The following F3 variants were observed in gnomAD, a reference collection of about 807,000 sequenced individuals.
F3 encodes coagulation factor III, tissue factor.
F3 carries 18 observed loss-of-function variants against 33.5 expected under a neutral mutation model. The ratio of observed to expected loss-of-function variants is 0.54; its 90% CI spans 0.37 to 0.80. The LOEUF is 0.80. Among genes scored for constraint, F3 ranks in the 30% least tolerant of loss-of-function variants. The pLI is 0.00. For synonymous variants in F3, 147 were observed against 140.7 expected (o/e 1.05, Z -0.32); for missense variants, 353 against 362.1 (o/e 0.97, Z 0.20).
intron 2 of F3, among the ~76,000 whole-genome samples, chr1:94,537,372 G>A (rs1243429042): frequency 6.6e-6 from 1 of 152,122 alleles, no homozygotes; most frequent in East Asian, 1.9e-4. Flanking sequence ...TCAAGGCCAG[G>A]TCCCAACTCC....
intron 2 of F3, among the ~76,000 whole-genome samples, chr1:94,536,796 T>C (rs1651622155): frequency 6.6e-6 from 1 of 152,146 alleles, no homozygotes; most frequent in African/African-American, 2.4e-5. Flanking sequence ...ATATAGTGAG[T>C]CTACATAATA....
chr1:94,536,322 T>A (rs1183900267), intron 2 of F3, among the ~76,000 whole-genome samples, 158 bp from the exon 3 acceptor site: 2 of 152,198 alleles, frequency 1.3e-5, no homozygotes, highest in East Asian at 3.8e-4. Context: ...TGCTTTTTTT[T>A]AAACATTGTT....
At position 94,540,314 on chromosome 1, in the gene F3, T is replaced by G. The variant is rs889609187; in HGVS notation, c.155A>C (p.Lys52Thr). 6.2e-7 allele frequency: 1 copy of G among 1,614,160 alleles called. No individual in the cohort carries two copies. Among genetic ancestry groups the G allele is most frequent in the Non-Finnish European group, 8.5e-7 (1 of 1,180,008 alleles). The change falls in exon 2 of 6, where the codon AAG becomes ACG. Residue 52 changes from lysine to threonine, a missense_variant. By Grantham distance (78) the Lys-to-Thr change is moderately conservative (BLOSUM62 -1). Transcript: ENST00000334047. Reference sequence around the variant, plus strand: ...TTTGGGTTCCCACTCCAAAATTGTCTTGAAATTAGTTGATTTCCAAGTTAA... The same window carrying G: ...TTTGGGTTCCCACTCCAAAATTGTCGTGAAATTAGTTGATTTCCAAGTTAA... ...YNLTWKSTNFKTILEWEPKPV... is the reference protein window; with the variant it reads ...YNLTWKSTNFTTILEWEPKPV...
chr1:94,541,601 G>C lies in F3; in HGVS notation c.36C>G (p.Pro12=), dbSNP rs778422501. ...GGAGCGTCCGAGCGACGGCGGTCTCGGGGCGCGGGACCCGGGGCCAGGCAG... is the reference window on the plus strand; with the variant it reads ...GGAGCGTCCGAGCGACGGCGGTCTCCGGGCGCGGGACCCGGGGCCAGGCAG... ...ETPAWPRVPR[P]ETAVARTLLL... The change falls in exon 1 of 6, where the codon CCC becomes CCG. Residue 12 remains proline, a synonymous_variant. Coordinates refer to ENST00000334047, the MANE Select transcript of F3 (RefSeq NM_001993.5). 1.2e-5 allele frequency: 17 copies of C among 1,464,354 alleles called. No individual in the cohort carries two copies. In the East Asian group the frequency reaches 3.9e-4, roughly 33 times the overall value. 90.7% of individuals were successfully genotyped at this position (1,464,354 alleles called of 1,614,324 possible). A position where few individuals can be genotyped will look rare whatever the true frequency, so the allele number is the denominator to read the frequency against.
chr1:94,534,437 A>T (rs1651533983), intron 3 of F3, among the ~76,000 whole-genome samples: 1 of 152,178 alleles, frequency 6.6e-6, no homozygotes, highest in Non-Finnish European at 1.5e-5. Context: ...CTGGAATATA[A>T]TCATTTTAAT....
In F3 at chr1:94,530,205, T is replaced by C. The variant is rs775195581; in HGVS notation, c.*255A>G. The C allele has an allele frequency of 3.2e-5, 12 of 369,972 alleles. No individual in the cohort carries two copies. Among genetic ancestry groups the C allele is most frequent in the African/African-American group, 1.8e-4 (9 of 49,058 alleles). The allele number at this position is 369,972 out of a possible 1,614,324, so 22.9% of individuals were successfully genotyped here. On this transcript the variant is annotated 3_prime_UTR_variant, in exon 6 of 6. Coordinates refer to ENST00000334047, the MANE Select transcript of F3 (RefSeq NM_001993.5). Reference sequence around the variant, plus strand: ...GGAATATATAATCTAAAGCATGTTATGTGCAAAAGGTGCCATGGTGTTAAA... The same window carrying C: ...GGAATATATAATCTAAAGCATGTTACGTGCAAAAGGTGCCATGGTGTTAAA...
chr1:94,541,308 CG>C (rs1557703655), intron 1 of F3, among the ~76,000 whole-genome samples: 1 of 152,214 alleles, frequency 6.6e-6, no homozygotes, highest in African/African-American at 2.4e-5. Flanking sequence ...AACTCTCCAG[CG>C]GAAGGGGCAG....
chr1:94,532,941 C>A (rs1157433607), intron 4 of F3, 149 bp downstream of exon 4: 4 of 750,232 alleles, frequency 5.3e-6, no homozygotes, highest in Non-Finnish European at 8.5e-6. Flanking sequence ...TGTTGTCCAC[C>A]CCTCCCCACA....
Position 94,530,381 on chromosome 1 carries a change from T to C in F3, c.*79A>G. Reference sequence around the variant, plus strand: ...TCATGCTCCGAAATACTCATTTGCGTTTCCATGTATTCTATCCTCTTAAAA... The same window carrying C: ...TCATGCTCCGAAATACTCATTTGCGCTTCCATGTATTCTATCCTCTTAAAA... On this transcript the variant is annotated 3_prime_UTR_variant, in exon 6 of 6. Coordinates refer to ENST00000334047, the MANE Select transcript of F3 (RefSeq NM_001993.5). The C allele has an allele frequency of 6.4e-7, 1 of 1,567,580 alleles. No individual in the cohort carries two copies. The highest frequency in any genetic ancestry group is 1.7e-4 in the Middle Eastern group (1 of 5,890).
At chr1:94,530,691 AT>A (rs1260174658) in intron 5 of F3, 95 bp from the exon 6 acceptor site, 3 of 1,458,394 alleles carry the variant, frequency 2.1e-6, no homozygotes, top group African/African-American at 1.4e-5. Context: ...ACACCATCCT[AT>A]TTTTGTGCAA....
In F3 at chr1:94,530,595, T is replaced by C; in HGVS notation, c.753A>G (p.Glu251=). Reference sequence around the variant, plus strand: ...CCACAGCTCCAATGATGTAGAATATTTCTGAAAAATAAAGGGCATCTAGTC... The same window carrying C: ...CCACAGCTCCAATGATGTAGAATATCTCTGAAAAATAAAGGGCATCTAGTC... The part of the protein sequence containing the change: ...CMGQEKGEFR[E]IFYIIGAVVF... Residue 251 remains glutamate, a splice_region_variant and synonymous_variant, in exon 6 of 6, where the codon GAA becomes GAG. Coordinates refer to ENST00000334047, the MANE Select transcript of F3 (RefSeq NM_001993.5). 6.2e-7 allele frequency: 1 copy of C among 1,613,900 alleles called. No homozygotes were observed. Among genetic ancestry groups the C allele is most frequent in the Non-Finnish European group, 8.5e-7 (1 of 1,180,002 alleles).
chr1:94,532,540 T>G (rs962908154), intron 4 of F3, 60 bp from the exon 5 acceptor site: 4 of 1,573,470 alleles, frequency 2.5e-6, no homozygotes, highest in Admixed American at 1.7e-5. Context: ...TCCCCTTTAT[T>G]AAGTCACTGT....
chr1:94,540,534 T>A, intron 1 of F3, 166 bp from the exon 2 acceptor site: 2 of 539,458 alleles, frequency 3.7e-6, no homozygotes, highest in Non-Finnish European at 6.5e-6. Flanking sequence ...ATCTTCAAAT[T>A]TTTTCTAGAC....
intron 2 of F3, 114 bp downstream of exon 2, chr1:94,540,143 T>G: frequency 4.0e-6 from 3 of 750,884 alleles, no homozygotes; most frequent in Non-Finnish European, 6.8e-6. Context: ...TCCCTTCTTC[T>G]TCGTCATCTG....
rs1239310149 is a variant in F3 at position 94,541,712 on chromosome 1, T to A, written c.-76A>T. ...TGGGGAGGTTGGGCTGAAGGCGCCC[T>A]GGGCCGGCCAGAGGGAGTGCGAGGG... is the stretch of plus-strand genomic sequence containing the variant. On this transcript the variant is annotated 5_prime_UTR_variant, in exon 1 of 6. Transcript: ENST00000334047. 57 of 982,186 alleles carry A rather than the reference T, an allele frequency of 5.8e-5. No homozygotes were observed. The highest frequency in any genetic ancestry group is 8.3e-6 in the Non-Finnish European group (6 of 724,974). The allele number at this position is 982,186 out of a possible 1,614,324, so 60.8% of individuals were successfully genotyped here. A position where few individuals can be genotyped will look rare whatever the true frequency, so the allele number is the denominator to read the frequency against.
intron 2 of F3, among the ~76,000 whole-genome samples, chr1:94,538,036 T>C (rs915375991): frequency 6.6e-6 from 1 of 152,208 alleles, no homozygotes; most frequent in Non-Finnish European, 1.5e-5. Context: ...ATTTATACAG[T>C]ACCCTGGTAA....
chr1:94,531,253 A>C (rs1185464141), intron 5 of F3, among the ~76,000 whole-genome samples: 1 of 152,076 alleles, frequency 6.6e-6, no homozygotes, highest in African/African-American at 2.4e-5. Flanking sequence ...TAAAATGTTC[A>C]AATATCATCT....
intron 3 of F3, among the ~76,000 whole-genome samples, chr1:94,534,103 G>A (rs841696): frequency 0.28 from 42,965 of 151,914 alleles, 6,352 homozygotes; most frequent in East Asian, 0.49. Context: ...CTGACCTCAA[G>A]TGATCCACCC....
chr1:94,531,816 C>G (rs1651438351), intron 5 of F3, among the ~76,000 whole-genome samples: 1 of 152,170 alleles, frequency 6.6e-6, no homozygotes, highest in Admixed American at 6.5e-5. Flanking sequence ...CATATACACA[C>G]ATGCATGCAT....
Sources: allele counts gnomAD v4.1 joint callset (sites outside exome capture counted in the v4.1 genomes callset), GRCh38; gene constraint gnomAD v4.1.1; transcripts MANE v1.5; gene names NCBI Gene and HGNC (gene_info 2026-07-23, HGNC 2026-07-21).